Variants in CACNA2D3 observed in about 807,000 individuals in gnomAD.
The protein encoded by CACNA2D3 is calcium voltage-gated channel auxiliary subunit alpha2delta 3.
A neutral mutation model predicts 160.6 loss-of-function variants in CACNA2D3; 60 were observed. The ratio of observed to expected loss-of-function variants is 0.37; its 90% CI spans 0.30 to 0.46. CACNA2D3 has a LOEUF of 0.46. Ranked by LOEUF, CACNA2D3 falls within the 20% of genes least tolerant of loss-of-function variation. CACNA2D3 has a pLI of 1.00. For missense variants in CACNA2D3, 1,205 were observed against 1,365.0 expected (o/e 0.88, Z 1.85); for synonymous variants, 558 against 492.9 (o/e 1.13, Z -1.75).
chr3:54,767,255 CAGAA>C (rs896815692), intron 13 of CACNA2D3, among the ~76,000 whole-genome samples: 17 of 152,134 alleles, frequency 1.1e-4, no homozygotes, highest in African/African-American at 2.2e-4. Context: ...AAAAATTTCT[CAGAA>C]AGGGAGGAAA....
chr3:54,400,225 G>C (rs1298162510), intron 4 of CACNA2D3, among the ~76,000 whole-genome samples: 1 of 149,902 alleles, frequency 6.7e-6, no homozygotes, highest in African/African-American at 2.5e-5. Context: ...GATGAACCCG[G>C]TACCTCAGAT....
intron 4 of CACNA2D3, among the ~76,000 whole-genome samples, chr3:54,473,563 C>G (rs548388645): frequency 5.9e-5 from 9 of 152,296 alleles, no homozygotes; most frequent in African/African-American, 2.2e-4. Flanking sequence ...AGCTTCTGCA[C>G]AGCAAAAGAA....
chr3:54,383,947 G>T (rs1372103314), intron 3 of CACNA2D3, among the ~76,000 whole-genome samples: 2 of 152,072 alleles, frequency 1.3e-5, no homozygotes, highest in Admixed American at 1.3e-4. Flanking sequence ...TACATAGTTT[G>T]CATGACTGTA....
At chr3:54,475,809 T>TTGTGTGTGTGTGTGTGTGTGTGTG (rs3030044) in intron 4 of CACNA2D3, among the ~76,000 whole-genome samples, 2,900 of 142,762 alleles carry the variant, frequency 0.02, 42 homozygotes, top group East Asian at 0.026. Flanking sequence ...TGGTTACCAT[T>TTGTGTGTGTGTGTGTGTGTGTGTG]TGTGTGTGTG....
intron 4 of CACNA2D3, among the ~76,000 whole-genome samples, chr3:54,470,820 G>T (rs531997987): frequency 5.2e-4 from 79 of 152,130 alleles, no homozygotes; most frequent in African/African-American, 1.1e-3. Context: ...ACAAATAAGG[G>T]CATTACATAA....
At chr3:54,647,080 G>A (rs1169547537) in intron 11 of CACNA2D3, among the ~76,000 whole-genome samples, 1 of 152,162 alleles carries the variant, frequency 6.6e-6, no homozygotes, top group Non-Finnish European at 1.5e-5. Context: ...AACAATCTAG[G>A]TGAGCTTGGA....
rs1422085586 is a variant in CACNA2D3 at position 54,176,932 on chromosome 3, G to A, written c.204+53338G>A. Among the ~76,000 whole-genome samples, 3 of 152,152 alleles carry A rather than the reference G, an allele frequency of 2.0e-5. No homozygotes were observed. The East Asian group carries it at 5.8e-4, about 29-fold the overall frequency. On this transcript the variant is annotated intron_variant, in intron 2 of 37. Coordinates refer to ENST00000474759, the MANE Select transcript of CACNA2D3 (RefSeq NM_018398.3). ...AGGGAGCTGGAGTCAAAAGTTAGAA[G>A]GGCCTTGGTTTCCAGTATAGCCCCA...
At chr3:54,818,217 T>C (rs1266079505) in intron 14 of CACNA2D3, among the ~76,000 whole-genome samples, 1 of 152,176 alleles carries the variant, frequency 6.6e-6, no homozygotes, top group Non-Finnish European at 1.5e-5. Context: ...TGAGACAGAG[T>C]CTCACTATGT....
chr3:55,006,156 A>G (rs752862670), intron 32 of CACNA2D3, among the ~76,000 whole-genome samples: 10 of 152,194 alleles, frequency 6.6e-5, no homozygotes, highest in Non-Finnish European at 1.3e-4. Context: ...GGTTCCCAAG[A>G]TATATTTTCA....
chr3:54,657,257 CAG>C (rs907647412), intron 11 of CACNA2D3, among the ~76,000 whole-genome samples: 1 of 152,140 alleles, frequency 6.6e-6, no homozygotes, highest in African/African-American at 2.4e-5. Context: ...GTGCAGGTCA[CAG>C]GGGATATGAT....
At chr3:54,192,990 C>T (rs530755520) in intron 2 of CACNA2D3, among the ~76,000 whole-genome samples, 2 of 152,326 alleles carry the variant, frequency 1.3e-5, no homozygotes, top group East Asian at 3.9e-4. Flanking sequence ...TGTCTTTTCC[C>T]CCATACCTGG....
rs372510322 is a variant in CACNA2D3 at position 54,822,815 on chromosome 3, C to CT, written c.1398+5948dup. On this transcript the variant is annotated intron_variant, in intron 14 of 37. Transcript: ENST00000474759. ...CCTTTCTTTCTTTCTTTCTTTCTTT[C>CT]TTTCTTTCTTTCTTTCTTTTCTTTC... is the stretch of plus-strand genomic sequence containing the variant. 3.6e-3 allele frequency among the ~76,000 whole-genome samples: 376 copies of CT among 104,652 alleles called. 8 individuals are homozygous for CT. The highest frequency in any genetic ancestry group is 0.013 in the Middle Eastern group (3 of 228). The allele number at this position is 104,652 out of a possible 152,430, so 68.7% of individuals were successfully genotyped here. A position where few individuals can be genotyped will look rare whatever the true frequency, so the allele number is the denominator to read the frequency against.
At chr3:54,604,298 C>A (rs1489859812) in intron 9 of CACNA2D3, among the ~76,000 whole-genome samples, 1 of 152,130 alleles carries the variant, frequency 6.6e-6, no homozygotes, top group Non-Finnish European at 1.5e-5. Context: ...CATGGAGATA[C>A]AAGTTCAGGT....
At chr3:54,731,496 A>AG (rs1701385508) in intron 11 of CACNA2D3, among the ~76,000 whole-genome samples, 1 of 152,178 alleles carries the variant, frequency 6.6e-6, no homozygotes, top group Non-Finnish European at 1.5e-5. Context: ...ATGCTTTTCC[A>AG]GGTCACAGTT....
At chr3:54,493,160 C>A (rs930029026) in intron 4 of CACNA2D3, among the ~76,000 whole-genome samples, 1 of 146,416 alleles carries the variant, frequency 6.8e-6, no homozygotes, top group Non-Finnish European at 1.5e-5. Context: ...TCGCTGCAAC[C>A]TCCGCCTCCT....
chr3:54,196,881 G>A (rs1701090948), intron 2 of CACNA2D3, among the ~76,000 whole-genome samples: 1 of 152,082 alleles, frequency 6.6e-6, no homozygotes, highest in Non-Finnish European at 1.5e-5. Context: ...ATACATTATC[G>A]ACGGAAGATA....
intron 13 of CACNA2D3, among the ~76,000 whole-genome samples, chr3:54,781,690 T>G (rs1454423586): frequency 6.6e-6 from 1 of 152,246 alleles, no homozygotes; most frequent in Non-Finnish European, 1.5e-5. Context: ...TCCTCCAACA[T>G]TTAGCAGTGA....
At chr3:54,269,155 G>A (rs1383796455) in intron 2 of CACNA2D3, among the ~76,000 whole-genome samples, 3 of 152,092 alleles carry the variant, frequency 2.0e-5, no homozygotes, top group African/African-American at 2.4e-5. Flanking sequence ...CTGGATGTGA[G>A]TGATCGGTAC....
intron 3 of CACNA2D3, among the ~76,000 whole-genome samples, chr3:54,369,070 G>T (rs1575418558): frequency 1.3e-5 from 2 of 152,090 alleles, no homozygotes; most frequent in South Asian, 2.1e-4. Flanking sequence ...CCCCCAAATA[G>T]TGAAAGCTTA....
Sources: gnomAD v4.1 joint callset for allele counts (sites outside exome capture counted in the v4.1 genomes callset) on GRCh38, gnomAD v4.1.1 for gene constraint, MANE v1.5 for transcripts, NCBI Gene and HGNC (gene_info 2026-07-23, HGNC 2026-07-21) for gene names.